ATXN2: variants seen among roughly 807,000 people sequenced by gnomAD.
ATXN2 encodes ataxin 2.
A neutral mutation model predicts 138.6 loss-of-function variants in ATXN2; 37 were observed. The ratio of observed to expected loss-of-function variants is 0.27; its 90% CI spans 0.21 to 0.35. The LOEUF is 0.35. Among genes scored for constraint, ATXN2 ranks in the 10% least tolerant of loss-of-function variants. The pLI is 1.00. For synonymous variants in ATXN2, 549 were observed against 543.7 expected (o/e 1.01, Z -0.13); for missense variants, 1,216 against 1,480.3 (o/e 0.82, Z 2.93).
At chr12:111,575,686 A>AG (rs1214255214) in intron 1 of ATXN2, among the ~76,000 whole-genome samples, 23 of 152,306 alleles carry the variant, frequency 1.5e-4, no homozygotes, top group African/African-American at 5.5e-4. Context: ...CCTCACAAGC[A>AG]GGAGGTACTC....
At chr12:111,487,565 A>G (rs547746564) in intron 15 of ATXN2, among the ~76,000 whole-genome samples, 1 of 151,972 alleles carries the variant, frequency 6.6e-6, no homozygotes, top group South Asian at 2.1e-4. Flanking sequence ...GGTTCAAGCA[A>G]TTCTCCTGCC....
chr12:111,583,338 G>A (rs969758424), intron 1 of ATXN2, among the ~76,000 whole-genome samples: 1 of 152,142 alleles, frequency 6.6e-6, no homozygotes, highest in African/African-American at 2.4e-5. Context: ...CTAAGCCTGA[G>A]AGTGGCTGAG....
At chr12:111,595,715 A>C (rs983232348) in intron 1 of ATXN2, among the ~76,000 whole-genome samples, 1 of 152,058 alleles carries the variant, frequency 6.6e-6, no homozygotes, top group Non-Finnish European at 1.5e-5. Flanking sequence ...TAACATACAC[A>C]ATCACCTCTA....
chr12:111,543,299 C>T (rs532050230), intron 5 of ATXN2, among the ~76,000 whole-genome samples: 1 of 152,292 alleles, frequency 6.6e-6, no homozygotes, highest in South Asian at 2.1e-4. Flanking sequence ...GATACACTAT[C>T]AAGACCAAAA....
At chr12:111,513,290 C>T (rs1177227300) in intron 11 of ATXN2, 67 bp downstream of exon 11, 7 of 1,539,498 alleles carry the variant, frequency 4.5e-6, no homozygotes, top group Non-Finnish European at 6.2e-6. Flanking sequence ...AGAGTTGTAG[C>T]TCAGCCCTCT....
chr12:111,554,226 T>TAA lies in ATXN2; in HGVS notation c.289-10_289-9insTT. On this transcript the variant is annotated splice_polypyrimidine_tract_variant and intron_variant, in intron 2 of 24. Transcript: ENST00000673436. ...ATTCCATCAAAAGAAATCTGGAATA[T>TAA]TAAAAAAAAAAAAAACTATTAGAAA... The TAA allele has an allele frequency of 9.5e-6, 13 of 1,366,476 alleles. No homozygotes were observed. The South Asian group carries it at 1.0e-4, about 11-fold the overall frequency. The allele number at this position is 1,366,476 out of a possible 1,614,324, so 84.6% of individuals were successfully genotyped here.
Position 111,554,226 on chromosome 12 carries a change from TTAA to T in ATXN2, c.289-12_289-10del. 1 of 1,366,546 alleles carries T rather than the reference TTAA, an allele frequency of 7.3e-7. No homozygotes were observed. The highest frequency in any genetic ancestry group is 1.5e-5 in the South Asian group (1 of 67,066). The allele number at this position is 1,366,546 out of a possible 1,614,324, so 84.7% of individuals were successfully genotyped here. A position where few individuals can be genotyped will look rare whatever the true frequency, so the allele number is the denominator to read the frequency against. Reference sequence around the variant, plus strand: ...ATTCCATCAAAAGAAATCTGGAATATTAAAAAAAAAAAAAACTATTAGAAATTA... The same window carrying T: ...ATTCCATCAAAAGAAATCTGGAATATAAAAAAAAAAAACTATTAGAAATTA... On this transcript the variant is annotated splice_polypyrimidine_tract_variant and intron_variant, in intron 2 of 24. Transcript: ENST00000673436.
At chr12:111,459,246 C>G (rs950609030) in intron 21 of ATXN2, among the ~76,000 whole-genome samples, 2 of 152,158 alleles carry the variant, frequency 1.3e-5, no homozygotes. Flanking sequence ...CTTCACAGTC[C>G]CATAAGTCTA....
At chr12:111,487,847 C>G (rs1055539763) in intron 15 of ATXN2, among the ~76,000 whole-genome samples, 1 of 151,994 alleles carries the variant, frequency 6.6e-6, no homozygotes, top group Admixed American at 6.6e-5. Context: ...AAAAAATTGC[C>G]TCAAATCAAG....
chr12:111,524,888 G>A (rs3815021), intron 6 of ATXN2, among the ~76,000 whole-genome samples: 9,980 of 152,010 alleles, frequency 0.066, 1,248 homozygotes, highest in East Asian at 0.57. Flanking sequence ...AAAACACACC[G>A]GCATTTCCCA....
At chr12:111,553,112 A>T in intron 3 of ATXN2, 135 bp from the exon 4 acceptor site, 1 of 475,694 alleles carries the variant, frequency 2.1e-6, no homozygotes, top group Non-Finnish European at 3.5e-6. Context: ...CAATAAAAAA[A>T]TTTCAAAACA....
chr12:111,487,767 C>T (rs907869603), intron 15 of ATXN2, among the ~76,000 whole-genome samples: 41 of 152,014 alleles, frequency 2.7e-4, no homozygotes, highest in African/African-American at 9.9e-4. Flanking sequence ...TACCAATATT[C>T]TAGCATGCAG....
intron 7 of ATXN2, 29 bp downstream of exon 7, chr12:111,520,853 T>G (rs1215191572): frequency 7.4e-7 from 1 of 1,351,198 alleles, no homozygotes; most frequent in Admixed American, 2.2e-5. Flanking sequence ...ACAAATGCAC[T>G]AAAATAAAAA....
intron 1 of ATXN2, among the ~76,000 whole-genome samples, chr12:111,560,258 T>C (rs1008641757): frequency 3.3e-5 from 5 of 152,044 alleles, no homozygotes; most frequent in Admixed American, 2.6e-4. Flanking sequence ...AAATAAAAAA[T>C]ATATAACAAC....
At chr12:111,587,876 T>C (rs1313428245) in intron 1 of ATXN2, among the ~76,000 whole-genome samples, 2 of 152,166 alleles carry the variant, frequency 1.3e-5, no homozygotes, top group South Asian at 4.1e-4. Flanking sequence ...AAAATGTAGT[T>C]AGCTATTAAT....
intron 1 of ATXN2, among the ~76,000 whole-genome samples, chr12:111,570,399 T>C (rs1883252629): frequency 1.3e-5 from 2 of 152,242 alleles, no homozygotes; most frequent in Non-Finnish European, 1.5e-5. Flanking sequence ...GTTCTCTTTC[T>C]AAATACGTTG....
Position 111,552,651 on chromosome 12 carries a change from T to C in ATXN2, c.421-221A>G, listed in dbSNP as rs1358196222. The C allele has an allele frequency of 3.5e-6, 2 of 578,596 alleles. No individual in the cohort carries two copies. Among genetic ancestry groups the C allele is most frequent in the African/African-American group, 3.9e-5 (2 of 51,034 alleles). 35.8% of individuals were successfully genotyped at this position (578,596 alleles called of 1,614,324 possible). On this transcript the variant is annotated intron_variant, in intron 4 of 24. Transcript: ENST00000673436. This position sits in a 1 kb window ranked among gnomAD's most constrained non-coding sequence, Gnocchi z 4.1. ...GTTTCTATGGTTTGTCTTAAGTACA[T>C]TAATAATAATTTTTAAGAGGAAAAA... is the stretch of plus-strand genomic sequence containing the variant.
At chr12:111,578,592 T>C (rs1259754102) in intron 1 of ATXN2, among the ~76,000 whole-genome samples, 1 of 152,162 alleles carries the variant, frequency 6.6e-6, no homozygotes, top group East Asian at 1.9e-4. Context: ...TCTATATTTG[T>C]ACAATGATAA....
intron 1 of ATXN2, among the ~76,000 whole-genome samples, chr12:111,589,066 G>A (rs1884510909): frequency 1.5e-5 from 2 of 135,434 alleles, no homozygotes. Context: ...TGTAATCCCA[G>A]CACTTTGGGA....
Sources: allele counts gnomAD v4.1 joint callset (sites outside exome capture counted in the v4.1 genomes callset), GRCh38; gene constraint gnomAD v4.1.1; non-coding constraint Gnocchi (gnomAD v3.1); transcripts MANE v1.5; gene names NCBI Gene and HGNC (gene_info 2026-07-23, HGNC 2026-07-21).